Variants in ELMO1 observed in about 807,000 individuals in gnomAD.
ELMO1 encodes the protein engulfment and cell motility 1.
ELMO1 carries 26 observed loss-of-function variants against 98.9 expected under a neutral mutation model. That is an observed-to-expected ratio of 0.26 (90% CI 0.19 to 0.36). ELMO1 has a LOEUF of 0.36. Ranked by LOEUF, ELMO1 falls within the 10% of genes least tolerant of loss-of-function variation. The pLI is 1.00. For missense variants in ELMO1, 627 were observed against 935.2 expected (o/e 0.67, Z 4.30); for synonymous variants, 346 against 346.0 (o/e 1.00, Z 0.00).
intron 13 of ELMO1, among the ~76,000 whole-genome samples, chr7:37,140,051 T>C (rs1321238031): frequency 6.6e-6 from 1 of 152,046 alleles, no homozygotes; most frequent in Non-Finnish European, 1.5e-5. Context: ...TCTCTCAACT[T>C]ACACGAAAAT....
intron 13 of ELMO1, among the ~76,000 whole-genome samples, chr7:37,205,979 T>C (rs1282919334): frequency 1.3e-5 from 2 of 152,162 alleles, no homozygotes; most frequent in African/African-American, 4.8e-5. Context: ...CCATGATAAA[T>C]GACCTGCAGT....
chr7:37,360,139 T>C (rs1421965740), intron 1 of ELMO1, among the ~76,000 whole-genome samples: 1 of 152,192 alleles, frequency 6.6e-6, no homozygotes, highest in Non-Finnish European at 1.5e-5. Flanking sequence ...GAATATACTC[T>C]CCCTCCCCTT....
chr7:37,157,774 T>C (rs1788898955), intron 13 of ELMO1, among the ~76,000 whole-genome samples: 1 of 152,084 alleles, frequency 6.6e-6, no homozygotes, highest in South Asian at 2.1e-4. Context: ...AAGCTACCAA[T>C]GACTTTCTTC....
intron 1 of ELMO1, among the ~76,000 whole-genome samples, chr7:37,385,646 C>A (rs769539841): frequency 6.6e-6 from 1 of 152,218 alleles, no homozygotes; most frequent in Non-Finnish European, 1.5e-5. Flanking sequence ...AAGCTTCATG[C>A]AAGCATGAGT....
intron 20 of ELMO1, among the ~76,000 whole-genome samples, chr7:36,862,794 C>G (rs903464080): frequency 6.6e-6 from 1 of 152,232 alleles, no homozygotes; most frequent in Non-Finnish European, 1.5e-5. Context: ...GTGAGCCACA[C>G]TGCTCAGTAA....
intron 16 of ELMO1, among the ~76,000 whole-genome samples, chr7:36,934,536 A>G (rs1022061909): frequency 2.0e-5 from 3 of 152,234 alleles, no homozygotes; most frequent in Non-Finnish European, 4.4e-5. Flanking sequence ...GGGCATTATA[A>G]AAGTTAATAA....
At chr7:36,953,402 T>C (rs1304432529) in intron 16 of ELMO1, among the ~76,000 whole-genome samples, 2 of 152,216 alleles carry the variant, frequency 1.3e-5, no homozygotes, top group African/African-American at 2.4e-5. Flanking sequence ...CTGTCAGACA[T>C]ATGTGTTTAT....
chr7:37,069,495 A>C (rs556506960), intron 15 of ELMO1, among the ~76,000 whole-genome samples: 2 of 152,338 alleles, frequency 1.3e-5, no homozygotes, highest in Non-Finnish European at 2.9e-5. Context: ...TAGCAGCTGC[A>C]AACATGAAAT....
chr7:37,156,941 G>A (rs1036725076), intron 13 of ELMO1, among the ~76,000 whole-genome samples: 3 of 152,034 alleles, frequency 2.0e-5, no homozygotes, highest in African/African-American at 4.8e-5. Context: ...AAACCAAATC[G>A]AGCAGCACAT....
At chr7:37,337,621 T>G (rs1348571266) in intron 2 of ELMO1, among the ~76,000 whole-genome samples, 1 of 151,778 alleles carries the variant, frequency 6.6e-6, no homozygotes, top group Non-Finnish European at 1.5e-5. Flanking sequence ...CCTTCTCTGC[T>G]AGCAGTAGAA....
chr7:36,865,769 T>C lies in ELMO1; in HGVS notation c.1906-4033A>G, dbSNP rs116842370. Among the ~76,000 whole-genome samples, 345 of 152,332 alleles carry C rather than the reference T, an allele frequency of 2.3e-3. 1 individual carries two copies. Among genetic ancestry groups the C allele is most frequent in the South Asian group, 0.011 (55 of 4,830 alleles). On this transcript the variant is annotated intron_variant, in intron 20 of 21. Transcript: ENST00000310758. ...TGAATTGTAATTGCATATTTAAATATAAATGTTATCTACTGGACACCTAGG... is the reference window on the plus strand; with the variant it reads ...TGAATTGTAATTGCATATTTAAATACAAATGTTATCTACTGGACACCTAGG...
intron 10 of ELMO1, chr7:37,217,609 G>GT (rs1003925865): frequency 2.1e-5 from 9 of 434,666 alleles, no homozygotes; most frequent in African/African-American, 1.8e-4. Flanking sequence ...AACATGGGGG[G>GT]TGGGGGAGAT....
chr7:36,974,676 C>T (rs541435119), intron 16 of ELMO1, among the ~76,000 whole-genome samples: 1 of 152,310 alleles, frequency 6.6e-6, no homozygotes, highest in East Asian at 1.9e-4. Flanking sequence ...AAGCAGGCTG[C>T]CCGAGCCAGC....
intron 8 of ELMO1, among the ~76,000 whole-genome samples, chr7:37,225,856 A>T (rs576316700): frequency 1.3e-5 from 2 of 152,328 alleles, no homozygotes; most frequent in Non-Finnish European, 2.9e-5. Flanking sequence ...AAAAGTTATT[A>T]CTGTCTGTTG....
chr7:37,030,999 C>A (rs1000675410), intron 15 of ELMO1, among the ~76,000 whole-genome samples: 1 of 152,154 alleles, frequency 6.6e-6, no homozygotes, highest in African/African-American at 2.4e-5. Context: ...TTACTAGGTT[C>A]TCCATCTCAG....
intron 13 of ELMO1, among the ~76,000 whole-genome samples, chr7:37,169,630 A>G (rs914782846): frequency 6.6e-6 from 1 of 152,230 alleles, no homozygotes; most frequent in African/African-American, 2.4e-5. Context: ...GACATTTCAA[A>G]ATTTCAAGCT....
At chr7:37,199,517 T>C (rs757770849) in intron 13 of ELMO1, among the ~76,000 whole-genome samples, 4 of 152,030 alleles carry the variant, frequency 2.6e-5, no homozygotes, top group Non-Finnish European at 5.9e-5. Flanking sequence ...TCAGAAGGAG[T>C]CCACAGGTCA....
intron 4 of ELMO1, among the ~76,000 whole-genome samples, chr7:37,292,685 T>C (rs1583473586): frequency 2.1e-5 from 2 of 96,468 alleles, no homozygotes; most frequent in Non-Finnish European, 2.4e-5. Context: ...CCACCCCGTC[T>C]GGGAAGTGAG....
chr7:37,252,630 A>G (rs1402904089), intron 6 of ELMO1, among the ~76,000 whole-genome samples: 1 of 152,212 alleles, frequency 6.6e-6, no homozygotes, highest in Non-Finnish European at 1.5e-5. Flanking sequence ...TAAAAACCCT[A>G]GAAGAATACC....
Sources: gnomAD v4.1 joint callset for allele counts (sites outside exome capture counted in the v4.1 genomes callset) on GRCh38, gnomAD v4.1.1 for gene constraint, MANE v1.5 for transcripts, NCBI Gene and HGNC (gene_info 2026-07-23, HGNC 2026-07-21) for gene names.